Variants in CFLAR observed in about 807,000 individuals in gnomAD.
CFLAR encodes the protein CASP8 and FADD like apoptosis regulator.
CFLAR carries 14 observed loss-of-function variants against 51.1 expected under a neutral mutation model. That is an observed-to-expected ratio of 0.27 (90% CI 0.18 to 0.43). CFLAR has a LOEUF of 0.43. Among genes scored for constraint, CFLAR ranks in the 20% least tolerant of loss-of-function variants. The pLI is 1.00. For synonymous variants in CFLAR, 210 were observed against 211.6 expected (o/e 0.99, Z 0.06); for missense variants, 390 against 566.5 (o/e 0.69, Z 3.16).
In CFLAR at chr2:201,136,882, C is replaced by G. The variant is rs557036049; in HGVS notation, c.523+775C>G. ...ATCCCAAAGTGTGTAAAGTTAAAGC[C>G]TTCAACTGCAGCTGAGGAGAGGGCA... is the stretch of plus-strand genomic sequence containing the variant. On this transcript the variant is annotated intron_variant, in intron 4 of 9. Transcript: ENST00000309955. 1.7e-3 allele frequency: 375 copies of G among 219,008 alleles called. 3 individuals are homozygous for G. Among genetic ancestry groups the G allele is most frequent in the African/African-American group, 8.1e-3 (358 of 43,972 alleles). The allele number at this position is 219,008 out of a possible 1,614,324, so 13.6% of individuals were successfully genotyped here. A position where few individuals can be genotyped will look rare whatever the true frequency, so the allele number is the denominator to read the frequency against.
At chr2:201,141,694 T>C in intron 5 of CFLAR, 1 of 1,029,138 alleles carries the variant, frequency 9.7e-7, no homozygotes, top group Non-Finnish European at 1.2e-6. Context: ...AGGGTGTTCA[T>C]GAGCATAAGT....
chr2:201,127,719 G>T (rs535330770), intron 1 of CFLAR, among the ~76,000 whole-genome samples: 2 of 152,070 alleles, frequency 1.3e-5, no homozygotes, highest in African/African-American at 4.8e-5. Context: ...GGCTCCACAC[G>T]GGATCTGTAG....
At chr2:201,163,762 C>A in intron 9 of CFLAR, 73 bp from the exon 10 acceptor site, 1 of 1,546,026 alleles carries the variant, frequency 6.5e-7, no homozygotes, top group African/African-American at 1.4e-5. Context: ...TCTGTTGGCT[C>A]ATTTCGCCCT....
intron 8 of CFLAR, chr2:201,153,362 A>G (rs1316857779): frequency 2.0e-5 from 3 of 152,280 alleles, no homozygotes; most frequent in African/African-American, 7.2e-5. Flanking sequence ...GTGGAAAGGC[A>G]CAGTCTCCTC....
rs557160948 is a variant in CFLAR, at chr2:201,131,973, C to T, written c.282-1056C>T. On this transcript the variant is annotated intron_variant, in intron 2 of 9. Transcript: ENST00000309955. ...GAAGTACTTTTTAAACTGTGAAGCA[C>T]TCTACAGATAGAAGGGATTATTATC... Among the ~76,000 whole-genome samples, 6 of 152,284 alleles carry T rather than the reference C, an allele frequency of 3.9e-5. No homozygotes were observed. In the South Asian group the frequency reaches 1.2e-3, roughly 32 times the overall value.
intron 3 of CFLAR, among the ~76,000 whole-genome samples, 173 bp from the exon 4 acceptor site, chr2:201,135,799 T>A (rs2050029425): frequency 6.6e-6 from 1 of 152,114 alleles, no homozygotes; most frequent in South Asian, 2.1e-4. Flanking sequence ...TTATTTTTTT[T>A]ATTTTTTGTA....
chr2:201,139,922 C>T (rs1304687518), intron 4 of CFLAR: 1 of 168,476 alleles, frequency 5.9e-6, no homozygotes, highest in Non-Finnish European at 1.3e-5. Context: ...CTCGTTCCAC[C>T]TAACGAGAAA....
intron 3 of CFLAR, among the ~76,000 whole-genome samples, chr2:201,134,731 T>C (rs1269590134): frequency 6.6e-6 from 1 of 151,898 alleles, no homozygotes; most frequent in Non-Finnish European, 1.5e-5. Flanking sequence ...CATGGTACTG[T>C]TGACCTAAGG....
intron 7 of CFLAR, 23 bp from the exon 8 acceptor site, chr2:201,149,731 G>GGAAT: frequency 6.3e-7 from 1 of 1,576,408 alleles, no homozygotes; most frequent in African/African-American, 1.3e-5. Flanking sequence ...AGAGTCTTTA[G>GGAAT]CATTTCTTGT....
intron 9 of CFLAR, chr2:201,163,088 A>G (rs1466846909): frequency 1.3e-6 from 1 of 752,372 alleles, no homozygotes; most frequent in Non-Finnish European, 2.4e-6. Flanking sequence ...TAGGATGGTC[A>G]TATCAGCTTT....
rs1943328747 is a variant in CFLAR at position 201,164,207 on chromosome 2, G to C, written c.*234G>C. The stretch of plus-strand genomic sequence containing the variant: ...TTGAACCCAGGAGTTCAGGGTCATA[G>C]CATGCTGTGATTGTGCCTACGAATA... On this transcript the variant is annotated 3_prime_UTR_variant, in exon 10 of 10. Coordinates refer to ENST00000309955, the MANE Select transcript of CFLAR (RefSeq NM_003879.7). The C allele has an allele frequency of 3.0e-6, 1 of 338,062 alleles. No individual in the cohort carries two copies. 20.9% of individuals were successfully genotyped at this position (338,062 alleles called of 1,614,324 possible).
In CFLAR at chr2:201,163,922, T is replaced by C. The variant is rs545179101; in HGVS notation, c.1392T>C (p.Tyr464=). 2.5e-6 allele frequency: 4 copies of C among 1,614,158 alleles called. No homozygotes were observed. The Admixed American group carries it at 5.0e-5, about 20-fold the overall frequency. ...GAGTTTCTGCCAAGGAGAAATATTA[T>C]GTCTGGCTGCAGCACACTCTGAGAA... is the stretch of plus-strand genomic sequence containing the variant. ...NSRVSAKEKY[Y]VWLQHTLRKK... is the part of the protein sequence containing the mutation. Residue 464 remains tyrosine (Y), a synonymous_variant, in exon 10 of 10, where the codon TAT becomes TAC. Coordinates refer to ENST00000309955, the MANE Select transcript of CFLAR (RefSeq NM_003879.7).
chr2:201,138,536 G>A lies in CFLAR; in HGVS notation c.524-1821G>A. The A allele has an allele frequency of 1.3e-6, 2 of 1,567,334 alleles. No individual in the cohort carries two copies. Reference sequence around the variant, plus strand: ...TCCTTGGCATCATCACCTCACTGAGGAGGGTGGTGTGGTCCTTCTCAGCAA... The same window carrying A: ...TCCTTGGCATCATCACCTCACTGAGAAGGGTGGTGTGGTCCTTCTCAGCAA... On this transcript the variant is annotated intron_variant, in intron 4 of 9. Coordinates refer to ENST00000309955, the MANE Select transcript of CFLAR (RefSeq NM_003879.7). This position sits in a 1 kb window ranked among gnomAD's most constrained non-coding sequence, Gnocchi z 4.0.
rs1226364651 is a variant in CFLAR at position 201,122,676 on chromosome 2, A to AAG, written c.-138+6201_-138+6202dup. On this transcript the variant is annotated intron_variant, in intron 1 of 9. Transcript: ENST00000309955. ...AACACAAATAGTGCTACAAAGCAGGAAGAGAGACTTGATTTGGGGATCAAG... is the reference window on the plus strand; with the variant it reads ...AACACAAATAGTGCTACAAAGCAGGAAGAGAGAGACTTGATTTGGGGATCAAG... 5 of 152,380 alleles carry AAG rather than the reference A, an allele frequency of 3.3e-5. No individual in the cohort carries two copies. The East Asian group carries it at 7.7e-4, about 23-fold the overall frequency. The allele number at this position is 152,380 out of a possible 1,614,324, so 9.4% of individuals were successfully genotyped here.
intron 4 of CFLAR, chr2:201,137,504 G>A (rs2050298866): frequency 4.9e-6 from 3 of 616,758 alleles, no homozygotes; most frequent in Non-Finnish European, 9.0e-6. Context: ...ATCTCGCCCT[G>A]CACCGCTGTC....
At chr2:201,149,874 T>C in intron 8 of CFLAR, 39 bp downstream of exon 8, 1 of 1,475,168 alleles carries the variant, frequency 6.8e-7, no homozygotes, top group Non-Finnish European at 9.5e-7. Context: ...TGCCCCCAGA[T>C]TGAGATCATG....
intron 2 of CFLAR, among the ~76,000 whole-genome samples, chr2:201,132,430 AAT>A (rs35648857): frequency 1.9e-3 from 256 of 137,718 alleles, no homozygotes; most frequent in Middle Eastern, 7.5e-3. Context: ...GGGGGGGAAA[AAT>A]ATATATATAT....
At chr2:201,136,719 A>G (rs1376969838) in intron 4 of CFLAR, 12 of 594,598 alleles carry the variant, frequency 2.0e-5, no homozygotes, top group Non-Finnish European at 2.0e-5. Flanking sequence ...TCATTGATCT[A>G]TAGAGCACTC....
chr2:201,172,944 T>C lies in CFLAR; in HGVS notation c.*8971T>C, dbSNP rs1944098540. The C allele has an allele frequency of 6.6e-6, 1 of 152,242 alleles. No homozygotes were observed. The highest frequency in any genetic ancestry group is 2.4e-5 in the African/African-American group (1 of 41,476). The allele number at this position is 152,242 out of a possible 1,614,324, so 9.4% of individuals were successfully genotyped here. A position where few individuals can be genotyped will look rare whatever the true frequency, so the allele number is the denominator to read the frequency against. Reference sequence around the variant, plus strand: ...GTGAGAGTGCTCATCATATAGTAACTCTATGTTTAGCCTTTTGAGGAACTG... The same window carrying C: ...GTGAGAGTGCTCATCATATAGTAACCCTATGTTTAGCCTTTTGAGGAACTG... On this transcript the variant is annotated 3_prime_UTR_variant, in exon 10 of 10. Transcript: ENST00000309955.
Sources: gnomAD v4.1 joint callset for allele counts (sites outside exome capture counted in the v4.1 genomes callset) on GRCh38, gnomAD v4.1.1 for gene constraint, Gnocchi (gnomAD v3.1) non-coding constraint, MANE v1.5 for transcripts, NCBI Gene and HGNC (gene_info 2026-07-23, HGNC 2026-07-21) for gene names.